HEXA: variants seen among roughly 807,000 people sequenced by gnomAD.
HEXA encodes hexosaminidase subunit alpha.
Under a neutral mutation model 73.3 loss-of-function variants are expected in HEXA, and 54 were observed. That is an observed-to-expected ratio of 0.74 (90% CI 0.59 to 0.92). The LOEUF (loss-of-function observed/expected upper bound fraction) is 0.92. Ranked by LOEUF, HEXA falls within the 40% of genes least tolerant of loss-of-function variation. HEXA has a pLI of 0.00. For missense variants in HEXA, 649 were observed against 653.0 expected, an observed-to-expected ratio of 0.99 and a Z score of 0.07; for synonymous variants, 230 against 246.9, an observed-to-expected ratio of 0.93 and a Z score of 0.64.
At chr15:72,347,818 T>C (rs923396443) in intron 9 of HEXA, 60 bp from the exon 10 acceptor site, 2 of 1,497,712 alleles carry the variant, frequency 1.3e-6, no homozygotes, top group African/African-American at 2.8e-5. Flanking sequence ...TCTAGACTGT[T>C]TGTGCCAGTG....
At chr15:72,346,415 GC>G in intron 11 of HEXA, 90 bp from the exon 12 acceptor site, 1 of 1,496,326 alleles carries the variant, frequency 6.7e-7, no homozygotes, top group South Asian at 1.1e-5. Flanking sequence ...CCTCACCCCA[GC>G]TAAGTTGTTT....
At position 72,345,922 on chromosome 15, in the gene HEXA, T is replaced by A. The variant is rs1301934472; in HGVS notation, c.1421+313A>T. On this transcript the variant is annotated intron_variant, in intron 12 of 13. Coordinates refer to ENST00000268097, the MANE Select transcript of HEXA (RefSeq NM_000520.6). Reference sequence around the variant, plus strand: ...GTGAAAACAGCAGAGGGAAGCCTTATTACAGGAATCATGGATGCTTGTGCT... The same window carrying A: ...GTGAAAACAGCAGAGGGAAGCCTTAATACAGGAATCATGGATGCTTGTGCT... 4 of 531,654 alleles carry A rather than the reference T, an allele frequency of 7.5e-6. No homozygotes were observed. In the Admixed American group the frequency reaches 1.3e-4, roughly 17 times the overall value. 32.9% of individuals were successfully genotyped at this position (531,654 alleles called of 1,614,324 possible).
rs746202567 is a variant in HEXA at position 72,347,744 on chromosome 15, A to T, written c.1088T>A (p.Val363Asp). The T allele has an allele frequency of 7.4e-5, 119 of 1,614,022 alleles. No individual in the cohort carries two copies. The highest frequency in any genetic ancestry group is 9.7e-5 in the Non-Finnish European group (114 of 1,180,014). Residue 363 changes from valine (V) to aspartate (D), a missense_variant, in exon 10 of 14, where the codon GTC becomes GAC. Physicochemically the swap from Val to Asp is radical, Grantham distance 152 (BLOSUM62 -3). Coordinates refer to ENST00000268097, the MANE Select transcript of HEXA (RefSeq NM_000520.6). ...SFYIQTLLDI[V>D]SSYGKGYVVW... ...CACATAGCCCTTGCCATAAGAAGAG[A>T]CGATGTCCAGCAGCCTGGAGAGGAG... is the stretch of plus-strand genomic sequence containing the variant.
chr15:72,356,762 C>T (rs1229212277), intron 1 of HEXA, 145 bp from the exon 2 acceptor site: 3 of 1,193,874 alleles, frequency 2.5e-6, no homozygotes, highest in East Asian at 5.1e-5. Flanking sequence ...ATAGGCAGTG[C>T]CTGATCATCT....
chr15:72,347,015 C>G (rs1298383955), intron 10 of HEXA, among the ~76,000 whole-genome samples: 1 of 151,392 alleles, frequency 6.6e-6, no homozygotes, highest in Non-Finnish European at 1.5e-5. Flanking sequence ...GCTGCCATGT[C>G]CAAAAGTCTC....
intron 1 of HEXA, among the ~76,000 whole-genome samples, chr15:72,371,183 T>C (rs1233451284): frequency 6.6e-6 from 1 of 152,174 alleles, no homozygotes; most frequent in Non-Finnish European, 1.5e-5. Flanking sequence ...TCTCACTGCA[T>C]GCTGAGTTAA....
Position 72,349,208 on chromosome 15 carries a change from G to A in HEXA, c.857C>T (p.Thr286Ile), listed in dbSNP as rs2088663060. 5 of 1,613,954 alleles carry A rather than the reference G, an allele frequency of 3.1e-6. No individual in the cohort carries two copies. The highest frequency in any genetic ancestry group is 1.7e-5 in the Admixed American group (1 of 59,998). The change falls in exon 8 of 14, where the codon ACC becomes ATC. Residue 286 changes from threonine (T) to isoleucine (I), a missense_variant. Thr to Ile is a moderately conservative substitution (Grantham distance 89). Coordinates refer to ENST00000268097, the MANE Select transcript of HEXA (RefSeq NM_000520.6). ...PCYSGSEPSG[T>I]FGPVNPSLNN... Reference sequence around the variant, plus strand: ...GAGACTGGGATTCACTGGTCCAAAGGTGCCAGAGGGCTCAGACCCAGAGTA... The same window carrying A: ...GAGACTGGGATTCACTGGTCCAAAGATGCCAGAGGGCTCAGACCCAGAGTA...
rs550241078 is a variant in HEXA at position 72,343,467 on chromosome 15, A to T, written c.*610T>A. On this transcript the variant is annotated 3_prime_UTR_variant, in exon 14 of 14. Coordinates refer to ENST00000268097, the MANE Select transcript of HEXA (RefSeq NM_000520.6). Reference sequence around the variant, plus strand: ...AACAATATGTGTTTAATAATATTTAAATAATGGTTGTATAAAATTGAAGCA... The same window carrying T: ...AACAATATGTGTTTAATAATATTTATATAATGGTTGTATAAAATTGAAGCA... 24 of 154,228 alleles carry T rather than the reference A, an allele frequency of 1.6e-4. No homozygotes were observed. In the South Asian group the frequency reaches 4.8e-3, roughly 31 times the overall value. 9.6% of individuals were successfully genotyped at this position (154,228 alleles called of 1,614,324 possible). A position where few individuals can be genotyped will look rare whatever the true frequency, so the allele number is the denominator to read the frequency against.
chr15:72,347,331 G>C (rs1207744844), intron 10 of HEXA, among the ~76,000 whole-genome samples: 25 of 151,068 alleles, frequency 1.7e-4, no homozygotes. Flanking sequence ...TGAGTGCAGA[G>C]GCACATCTTG....
intron 8 of HEXA, 23 bp downstream of exon 8, chr15:72,349,056 T>C: frequency 4.4e-6 from 7 of 1,602,452 alleles, no homozygotes; most frequent in Non-Finnish European, 5.1e-6. Context: ...CAGGCCACAG[T>C]GGGAAGATCA....
intron 5 of HEXA, among the ~76,000 whole-genome samples, chr15:72,352,767 G>A (rs1227644421): frequency 6.6e-6 from 1 of 151,734 alleles, no homozygotes; most frequent in African/African-American, 2.4e-5. Flanking sequence ...GGGTTCATGC[G>A]ATTCTCCTGC....
intron 7 of HEXA, among the ~76,000 whole-genome samples, chr15:72,349,992 G>A (rs915703271): frequency 1.3e-5 from 2 of 152,162 alleles, no homozygotes; most frequent in African/African-American, 4.8e-5. Flanking sequence ...TTGAACTCCT[G>A]ACCTCAGGTG....
chr15:72,360,072 A>T (rs1489550365), intron 1 of HEXA: 2 of 152,700 alleles, frequency 1.3e-5, no homozygotes, highest in South Asian at 2.1e-4. Context: ...GTAGTGATTC[A>T]TCACCTCAAA....
chr15:72,365,486 C>T (rs189866870), intron 1 of HEXA, among the ~76,000 whole-genome samples: 301 of 152,214 alleles, frequency 2.0e-3, no homozygotes, highest in African/African-American at 6.8e-3. Context: ...TAACCTTATG[C>T]TTTCTTTTGC....
intron 1 of HEXA, among the ~76,000 whole-genome samples, chr15:72,373,909 G>A (rs1232240192): frequency 2.0e-5 from 3 of 150,710 alleles, no homozygotes. Context: ...TGAGGCAGGA[G>A]AATCGCTTGA....
chr15:72,375,957 G>T lies in HEXA; in HGVS notation c.16C>A (p.Leu6Ile), dbSNP rs1167125379. MTSSR[L>I]WFSLLLAAAF... ...GCCGCCAGCAGCAGCGAAAACCAAAGCCTGGAGCTTGTCATGGCCCGCTGG... is the reference window on the plus strand; with the variant it reads ...GCCGCCAGCAGCAGCGAAAACCAAATCCTGGAGCTTGTCATGGCCCGCTGG... Residue 6 changes from leucine to isoleucine, a missense_variant, in exon 1 of 14, where the codon CTT (leucine) becomes ATT (isoleucine). Physicochemically the swap from Leu to Ile is conservative, Grantham distance 5 (BLOSUM62 2). Coordinates refer to ENST00000268097, the MANE Select transcript of HEXA (RefSeq NM_000520.6). 1.3e-5 allele frequency: 21 copies of T among 1,613,968 alleles called. No homozygotes were observed. The highest frequency in any genetic ancestry group is 1.7e-5 in the Non-Finnish European group (20 of 1,180,016).
intron 13 of HEXA, 164 bp downstream of exon 13, chr15:72,345,282 T>C (rs75015614): frequency 1.5e-6 from 2 of 1,363,424 alleles, no homozygotes; most frequent in Non-Finnish European, 2.0e-6. Context: ...ATTTTTTTTT[T>C]CCTGAATACT....
chr15:72,365,271 T>C (rs752893140), intron 1 of HEXA, among the ~76,000 whole-genome samples: 1 of 152,090 alleles, frequency 6.6e-6, no homozygotes, highest in Non-Finnish European at 1.5e-5. Context: ...TTATTATTAT[T>C]ATTATTTTTA....
At chr15:72,371,816 G>A (rs2088998225) in intron 1 of HEXA, among the ~76,000 whole-genome samples, 1 of 152,078 alleles carries the variant, frequency 6.6e-6, no homozygotes, top group African/African-American at 2.4e-5. Flanking sequence ...AATATCTGAG[G>A]ATGAGCAAAT....
Sources: allele counts gnomAD v4.1 joint callset (sites outside exome capture counted in the v4.1 genomes callset), GRCh38; gene constraint gnomAD v4.1.1; transcripts MANE v1.5; gene names NCBI Gene and HGNC (gene_info 2026-07-23, HGNC 2026-07-21).